Variants in LINGO2 observed in about 807,000 individuals in gnomAD.
LINGO2 encodes leucine-rich repeat and immunoglobulin-like domain-containing nogo receptor-interacting protein 2.
In LINGO2, 14 loss-of-function variants were observed where a neutral mutation model predicts 30.6. The ratio of observed to expected loss-of-function variants is 0.46; its 90% CI spans 0.30 to 0.72. The LOEUF is 0.72. Among genes scored for constraint, LINGO2 ranks in the 30% least tolerant of loss-of-function variants. The pLI is 0.07. For missense variants in LINGO2, 729 were observed against 751.7 expected (o/e 0.97, Z 0.35); for synonymous variants, 317 against 288.5 (o/e 1.10, Z -1.00).
At chr9:28,040,989 G>A (rs985174554) in intron 4 of LINGO2, among the ~76,000 whole-genome samples, 5 of 152,206 alleles carry the variant, frequency 3.3e-5, no homozygotes, top group African/African-American at 1.2e-4. Context: ...CATATTGACA[G>A]TATCTATAGC....
At chr9:28,864,524 A>G in the LINGO2 span, among the ~76,000 whole-genome samples, 6 of 152,192 alleles carry the variant, frequency 3.9e-5, no homozygotes, top group African/African-American at 1.4e-4. Context: ...AAAAGAATCT[A>G]TAAATCTTCC....
chr9:28,222,812 T>TA (rs1435427892), intron 4 of LINGO2, among the ~76,000 whole-genome samples: 3 of 152,022 alleles, frequency 2.0e-5, no homozygotes, highest in Admixed American at 6.6e-5. Flanking sequence ...CATGCCACAG[T>TA]AAGTTTCCAA....
At chr9:28,973,599 C>G in the LINGO2 span, among the ~76,000 whole-genome samples, 8 of 152,252 alleles carry the variant, frequency 5.3e-5, no homozygotes, top group African/African-American at 1.9e-4. Context: ...ATCTTGCTCC[C>G]CCTTTGCTTC....
At chr9:28,214,718 A>G (rs1027972510) in intron 4 of LINGO2, among the ~76,000 whole-genome samples, 1 of 151,706 alleles carries the variant, frequency 6.6e-6, no homozygotes, top group Non-Finnish European at 1.5e-5. Flanking sequence ...GCTGTAAGGT[A>G]TAATTGTCCA....
the LINGO2 span, among the ~76,000 whole-genome samples, chr9:29,045,946 C>T: frequency 1.3e-5 from 2 of 152,082 alleles, no homozygotes; most frequent in Non-Finnish European, 2.9e-5. Flanking sequence ...CTCAGTTTGG[C>T]TGTTGTTGGT....
chr9:28,880,291 T>C, the LINGO2 span, among the ~76,000 whole-genome samples: 1 of 152,154 alleles, frequency 6.6e-6, no homozygotes, highest in Non-Finnish European at 1.5e-5. Context: ...AAAAGACTTG[T>C]ACCTTAAAGA....
intron 4 of LINGO2, among the ~76,000 whole-genome samples, chr9:28,028,746 A>AT (rs1212199531): frequency 5.9e-5 from 9 of 151,962 alleles, no homozygotes; most frequent in East Asian, 1.9e-4. Flanking sequence ...TGTTTTTTGT[A>AT]TTTTTTTTCT....
chr9:29,196,205 C>T, the LINGO2 span, among the ~76,000 whole-genome samples: 2 of 152,040 alleles, frequency 1.3e-5, no homozygotes, highest in Admixed American at 1.3e-4. Flanking sequence ...CTGGAACTTA[C>T]TTACATATGC....
At chr9:28,491,243 A>G (rs1242368512) in intron 1 of LINGO2, among the ~76,000 whole-genome samples, 1 of 152,206 alleles carries the variant, frequency 6.6e-6, no homozygotes, top group African/African-American at 2.4e-5. Flanking sequence ...GGCTTCAGTG[A>G]TAAATATATT....
chr9:28,166,749 A>C (rs1347723711), intron 4 of LINGO2, among the ~76,000 whole-genome samples: 1 of 151,236 alleles, frequency 6.6e-6, no homozygotes, highest in East Asian at 1.9e-4. Context: ...TTTTTCCTGG[A>C]ATTCCAAAGT....
the LINGO2 span, among the ~76,000 whole-genome samples, chr9:28,915,893 A>G: frequency 6.6e-6 from 1 of 152,204 alleles, no homozygotes; most frequent in Non-Finnish European, 1.5e-5. Context: ...GTTTCTGCTA[A>G]TGTCTCAAGA....
chr9:28,889,112 G>A, the LINGO2 span, among the ~76,000 whole-genome samples: 2 of 152,072 alleles, frequency 1.3e-5, no homozygotes, highest in Admixed American at 6.6e-5. Flanking sequence ...CCCAGACACT[G>A]GTCACCTTCA....
In LINGO2 at chr9:28,067,457, T is replaced by C. The variant is rs1277676729; in HGVS notation, c.-86-55052A>G. On this transcript the variant is annotated intron_variant, in intron 4 of 5. Coordinates refer to ENST00000379992, the Ensembl canonical transcript of LINGO2. The stretch of plus-strand genomic sequence containing the variant: ...ATTTAAAAACAAAAAGTTCAGATTT[T>C]TGTGCTTTAATGGAAGAGTTCCATA... Among the ~76,000 whole-genome samples, 6 of 152,256 alleles carry C rather than the reference T, an allele frequency of 3.9e-5. No individual in the cohort carries two copies. In the East Asian group the frequency reaches 1.2e-3, roughly 29 times the overall value.
At chr9:27,945,741 T>G (rs1587498140), downstream of LINGO2, among the ~76,000 whole-genome samples, 1 of 152,224 alleles carries the variant, frequency 6.6e-6, no homozygotes, top group South Asian at 2.1e-4. Context: ...TTTGTGAAAC[T>G]GAGTACTAAA....
At chr9:27,966,068 TTTATTA>T (rs1257432327) in intron 5 of LINGO2, among the ~76,000 whole-genome samples, 2 of 152,088 alleles carry the variant, frequency 1.3e-5, no homozygotes, top group Admixed American at 6.6e-5. Context: ...GCTCCATACT[TTTATTA>T]TTATTATCAC....
At chr9:28,415,924 C>G (rs547593571) in intron 2 of LINGO2, among the ~76,000 whole-genome samples, 33 of 152,056 alleles carry the variant, frequency 2.2e-4, no homozygotes, top group Non-Finnish European at 2.6e-4. Flanking sequence ...CTGTTATATT[C>G]AGAAAGATCA....
At chr9:28,900,848 C>T in the LINGO2 span, among the ~76,000 whole-genome samples, 87 of 152,052 alleles carry the variant, frequency 5.7e-4, 1 homozygote, top group African/African-American at 2.1e-3. Context: ...TATTAACCGC[C>T]TAGCAAAAAA....
the LINGO2 span, among the ~76,000 whole-genome samples, chr9:28,991,011 T>A: frequency 1.3e-5 from 2 of 152,206 alleles, no homozygotes; most frequent in Admixed American, 1.3e-4. Context: ...CAAAGCTGGA[T>A]GGAGAATGAC....
chr9:27,990,286 A>ACTC (rs66942935), intron 5 of LINGO2, among the ~76,000 whole-genome samples: 250 of 78,132 alleles, frequency 3.2e-3, no homozygotes, highest in African/African-American at 0.016. Context: ...TAGCTTTGCC[A>ACTC]CTAGTTTCTG....
Sources: gnomAD v4.1 joint callset for allele counts (sites outside exome capture counted in the v4.1 genomes callset) on GRCh38, gnomAD v4.1.1 for gene constraint, MANE v1.5 for transcripts, NCBI Gene and HGNC (gene_info 2026-07-23, HGNC 2026-07-21) for gene names.